BAHCC1: variants seen among roughly 807,000 people sequenced by gnomAD.
The protein encoded by BAHCC1 is BAH and coiled-coil domain-containing protein 1.
BAHCC1 carries 43 observed loss-of-function variants against 88.2 expected under a neutral mutation model. That is an observed-to-expected ratio of 0.49 (90% CI 0.38 to 0.63). The LOEUF (loss-of-function observed/expected upper bound fraction) is 0.63, where lower values mean the gene tolerates loss of function less well. BAHCC1 is among the 20% of genes least tolerant of loss of function. The probability of loss-of-function intolerance (pLI) is 0.00; values close to 1 mark genes in which losing one functional copy is unlikely to be tolerated. For synonymous variants in BAHCC1, 1,510 were observed against 745.5 expected (o/e 2.03, Z -16.71); for missense variants, 3,023 against 1,654.8 (o/e 1.83, Z -14.34).
chr17:81,409,216 A>T (rs1205961592), intron 2 of BAHCC1, among the ~76,000 whole-genome samples: 1 of 152,160 alleles, frequency 6.6e-6, no homozygotes, highest in African/African-American at 2.4e-5. Context: ...TTCGTGTAGC[A>T]TCTTCAGTTG....
In BAHCC1 at chr17:81,445,638, G is replaced by A. The variant is rs1486766782; in HGVS notation, c.3120G>A (p.Gly1040=). Residue 1040 remains glycine (G), a synonymous_variant, in exon 10 of 28, where the codon GGG becomes GGA. Coordinates refer to ENST00000675386, the MANE Select transcript of BAHCC1 (RefSeq NM_001377448.1). The part of the protein sequence containing the change: ...SRVRSAEEKN[G]EGQQSTADII... ...TGCGCAGCGCCGAGGAAAAGAATGG[G>A]GAGGGTCAGCAGTCCACGGCCGACA... is the stretch of plus-strand genomic sequence containing the variant. 8 of 734,436 alleles carry A rather than the reference G, an allele frequency of 1.1e-5. No individual in the cohort carries two copies. Among genetic ancestry groups the A allele is most frequent in the Non-Finnish European group, 1.8e-5 (7 of 395,444 alleles). 45.5% of individuals were successfully genotyped at this position (734,436 alleles called of 1,614,324 possible).
intron 11 of BAHCC1, among the ~76,000 whole-genome samples, 175 bp downstream of exon 11, chr17:81,448,023 G>C (rs181935605): frequency 6.6e-6 from 1 of 152,212 alleles, no homozygotes; most frequent in South Asian, 2.1e-4. Context: ...ATGGAAGTCC[G>C]AGGCAGGTGT....
At chr17:81,446,526 C>CTTTTTTTTTTTTTTTTT (rs869297780) in intron 10 of BAHCC1, among the ~76,000 whole-genome samples, 1 of 49,184 alleles carries the variant, frequency 2.0e-5, no homozygotes, top group African/African-American at 8.9e-5. Flanking sequence ...CTGCTCACAC[C>CTTTTTTTTTTTTTTTTT]TTTTTTTTTT....
At position 81,439,507 on chromosome 17, in the gene BAHCC1, G is replaced by A. The variant is rs148410768; in HGVS notation, c.481+1015G>A. ...TGCTTCAGTGCAGAGGGGCTGGGGC[G>A]TCTCCCCAAGGGGATCCGAGAGGTG... On this transcript the variant is annotated intron_variant, in intron 4 of 27. Coordinates refer to ENST00000675386, the MANE Select transcript of BAHCC1 (RefSeq NM_001377448.1). Among the ~76,000 whole-genome samples the A allele has an allele frequency of 7.1e-3, 1,083 of 151,902 alleles. 31 individuals are homozygous for A. Among genetic ancestry groups the A allele is most frequent in the Admixed American group, 0.05 (763 of 15,270 alleles).
At chr17:81,430,204 C>T (rs1172966810) in intron 3 of BAHCC1, among the ~76,000 whole-genome samples, 1 of 152,064 alleles carries the variant, frequency 6.6e-6, no homozygotes, top group Non-Finnish European at 1.5e-5. Context: ...CAGGCCTGGT[C>T]CCCTCCCTCC....
In BAHCC1 at chr17:81,463,646, C is replaced by T. The variant is rs1568041281; in HGVS notation, c.7656C>T (p.Asn2552=). ...ALYQSCHEDE[N]DVQTISHKCQ... ...ACCAGTCCTGCCACGAGGATGAGAACGACGTGCAGACCATCTCCCACAAGT... is the reference window on the plus strand; with the variant it reads ...ACCAGTCCTGCCACGAGGATGAGAATGACGTGCAGACCATCTCCCACAAGT... Residue 2552 remains asparagine, a synonymous_variant, in exon 28 of 28, where the codon AAC becomes AAT. Transcript: ENST00000675386. The T allele has an allele frequency of 2.6e-6, 2 of 779,714 alleles. No individual in the cohort carries two copies. Among genetic ancestry groups the T allele is most frequent in the Non-Finnish European group, 4.8e-6 (2 of 417,906 alleles). 48.3% of individuals were successfully genotyped at this position (779,714 alleles called of 1,614,324 possible). A position where few individuals can be genotyped will look rare whatever the true frequency, so the allele number is the denominator to read the frequency against.
At chr17:81,454,765 C>T (rs1282819860) in intron 14 of BAHCC1, among the ~76,000 whole-genome samples, 2 of 152,128 alleles carry the variant, frequency 1.3e-5, no homozygotes, top group Non-Finnish European at 2.9e-5. Flanking sequence ...GTGTGGCTGT[C>T]CCTTGTTCCA....
chr17:81,433,894 CA>C (rs1255718662), intron 3 of BAHCC1, among the ~76,000 whole-genome samples: 9 of 152,246 alleles, frequency 5.9e-5, no homozygotes, highest in Non-Finnish European at 8.8e-5. Flanking sequence ...ACCTGAAACC[CA>C]CTGACACCCT....
rs781902857 is a variant in BAHCC1 at position 81,458,909 on chromosome 17, G to A, written c.5545G>A (p.Asp1849Asn). The A allele has an allele frequency of 1.6e-5, 12 of 771,558 alleles. No homozygotes were observed. Among genetic ancestry groups the A allele is most frequent in the Middle Eastern group, 2.3e-4 (1 of 4,432 alleles). The allele number at this position is 771,558 out of a possible 1,614,324, so 47.8% of individuals were successfully genotyped here. ...DNSSFSEEEE[D>N]EEEEEEDSGP... ...CAGCAGCTTCTCGGAAGAGGAGGAG[G>A]ACGAGGAGGAAGAGGAGGAGGACAG... Residue 1849 changes from aspartate (D) to asparagine (N), a missense_variant, in exon 20 of 28, where the codon GAC (aspartate) becomes AAC (asparagine). Coordinates refer to ENST00000675386, the MANE Select transcript of BAHCC1 (RefSeq NM_001377448.1).
At position 81,464,068 on chromosome 17, in the gene BAHCC1, G is replaced by A. The variant is rs570930696; in HGVS notation, c.*251G>A. ...TGTGGCCCTCATGGGTCCCCGGCCC[G>A]CCCCACCCACAGCGCCCTCCGTTTC... On this transcript the variant is annotated 3_prime_UTR_variant, in exon 28 of 28. Transcript: ENST00000675386. 16 of 557,988 alleles carry A rather than the reference G, an allele frequency of 2.9e-5. No individual in the cohort carries two copies. The highest frequency in any genetic ancestry group is 1.1e-4 in the South Asian group (5 of 47,266). The allele number at this position is 557,988 out of a possible 1,614,324, so 34.6% of individuals were successfully genotyped here.
rs374906493 is a variant in BAHCC1 at position 81,463,717 on chromosome 17, G to A, written c.7727G>A (p.Arg2576His). ...REQYEQMARS[R>H]KCQDRQDLYY... ...CAGTATGAGCAGATGGCCCGGAGCC[G>A]CAAGTGCCAGGACCGGCAGGACCTC... Residue 2576 changes from arginine to histidine, a missense_variant, in exon 28 of 28, where the codon CGC becomes CAC. By Grantham distance (29) the Arg-to-His change is conservative (BLOSUM62 0). Coordinates refer to ENST00000675386, the MANE Select transcript of BAHCC1 (RefSeq NM_001377448.1). 6.9e-5 allele frequency: 54 copies of A among 779,376 alleles called. No individual in the cohort carries two copies. In the Middle Eastern group the frequency reaches 2.9e-3, roughly 42 times the overall value. 48.3% of individuals were successfully genotyped at this position (779,376 alleles called of 1,614,324 possible).
chr17:81,444,394 C>G lies in BAHCC1; in HGVS notation c.2338C>G (p.Arg780Gly), dbSNP rs782757420. 8 of 743,040 alleles carry G rather than the reference C, an allele frequency of 1.1e-5. No individual in the cohort carries two copies. The highest frequency in any genetic ancestry group is 2.0e-5 in the Non-Finnish European group (8 of 401,088). 46.0% of individuals were successfully genotyped at this position (743,040 alleles called of 1,614,324 possible). A position where few individuals can be genotyped will look rare whatever the true frequency, so the allele number is the denominator to read the frequency against. ...CAGGTCTTACAGGGACAGCAAAGAC[C>G]GCGTAGAGTTCGCCCGGATCCACCC... ...RELLLQDSKD[R>G]VEFARIHPPS... The change falls in exon 7 of 28, where the codon CGC (arginine) becomes GGC (glycine). Residue 780 changes from arginine to glycine, a missense_variant. By Grantham distance (125) the Arg-to-Gly change is moderately radical. Coordinates refer to ENST00000675386, the MANE Select transcript of BAHCC1 (RefSeq NM_001377448.1).
chr17:81,406,202 T>G (rs2063876857), intron 2 of BAHCC1, among the ~76,000 whole-genome samples: 1 of 152,220 alleles, frequency 6.6e-6, no homozygotes, highest in Non-Finnish European at 1.5e-5. Flanking sequence ...CGTCCTGGCC[T>G]GTCCAGGGGA....
intron 2 of BAHCC1, chr17:81,401,392 C>T (rs952829375): frequency 3.3e-5 from 5 of 152,686 alleles, no homozygotes; most frequent in Non-Finnish European, 5.9e-5. Flanking sequence ...CTTTTTCTCC[C>T]TTTCTTTTTT....
chr17:81,398,888 A>G (rs2063773765), intron 1 of BAHCC1, among the ~76,000 whole-genome samples: 1 of 151,672 alleles, frequency 6.6e-6, no homozygotes, highest in African/African-American at 2.4e-5. Context: ...GAATGGGCCG[A>G]AAGATGCATG....
intron 2 of BAHCC1, among the ~76,000 whole-genome samples, chr17:81,410,353 T>C: frequency 6.6e-6 from 1 of 152,218 alleles, no homozygotes; most frequent in East Asian, 1.9e-4. Flanking sequence ...CCCTCTCCTC[T>C]GTGTCCATCG....
In BAHCC1 at chr17:81,411,134, A is replaced by C. The variant is rs1279247094; in HGVS notation, c.178+11217A>C. 3 of 518,936 alleles carry C rather than the reference A, an allele frequency of 5.8e-6. No individual in the cohort carries two copies. The African/African-American group carries it at 5.8e-5, about 10-fold the overall frequency. 32.1% of individuals were successfully genotyped at this position (518,936 alleles called of 1,614,324 possible). A position where few individuals can be genotyped will look rare whatever the true frequency, so the allele number is the denominator to read the frequency against. ...CCGCAGCCGTCCTCTGCGTGAGTCC[A>C]TTCATCACGTGCCTGCAGGTGCCTG... On this transcript the variant is annotated intron_variant, in intron 2 of 27. Transcript: ENST00000675386. The surrounding 1 kb of genome is among the most constrained non-coding windows in gnomAD (Gnocchi z 6.2).
At position 81,434,480 on chromosome 17, in the gene BAHCC1, G is replaced by A. The variant is rs1286766709; in HGVS notation, c.359-3890G>A. On this transcript the variant is annotated intron_variant, in intron 3 of 27. Coordinates refer to ENST00000675386, the MANE Select transcript of BAHCC1 (RefSeq NM_001377448.1). This position sits in a 1 kb window ranked among gnomAD's most constrained non-coding sequence, Gnocchi z 4.9. ...CTCAAAGGCGTGCGGGCTGGGGCAG[G>A]GCGCTCGAGGTGTGCTTCAGCACCC... 6.6e-6 allele frequency among the ~76,000 whole-genome samples: 1 copy of A among 152,146 alleles called. No individual in the cohort carries two copies. Among genetic ancestry groups the A allele is most frequent in the Non-Finnish European group, 1.5e-5 (1 of 68,022 alleles).
intron 5 of BAHCC1, 38 bp from the exon 6 acceptor site, chr17:81,443,771 C>T (rs1555653436): frequency 2.8e-6 from 2 of 704,572 alleles, no homozygotes; most frequent in Admixed American, 4.0e-5. Flanking sequence ...CCCTGGCCGC[C>T]CCAACCCTCT....
Sources: gnomAD v4.1 joint callset for allele counts (sites outside exome capture counted in the v4.1 genomes callset) on GRCh38, gnomAD v4.1.1 for gene constraint, Gnocchi (gnomAD v3.1) non-coding constraint, MANE v1.5 for transcripts, NCBI Gene and HGNC (gene_info 2026-07-23, HGNC 2026-07-21) for gene names.